The following CSE1L variants were observed in gnomAD, a reference collection of about 807,000 sequenced individuals.
CSE1L encodes the protein chromosome segregation 1 like, also known as exportin-2.
Under a neutral mutation model 120.4 loss-of-function variants are expected in CSE1L, and 24 were observed. The ratio of observed to expected loss-of-function variants is 0.20; its 90% confidence interval spans 0.14 to 0.28. The LOEUF (loss-of-function observed/expected upper bound fraction) is 0.28, where lower values mean the gene tolerates loss of function less well. Among genes scored for constraint, CSE1L ranks in the 10% least tolerant of loss-of-function variants. The pLI is 1.00. For synonymous variants in CSE1L, 402 were observed against 398.3 expected (o/e 1.01, Z -0.11); for missense variants, 830 against 1,145.2 (o/e 0.72, Z 3.97).
rs568873590 is a variant in CSE1L, at chr20:49,082,003, G to A, written c.1483-2023G>A. Among the ~76,000 whole-genome samples the A allele has an allele frequency of 1.6e-4, 24 of 152,122 alleles. No individual in the cohort carries two copies. The South Asian group carries it at 3.5e-3, about 22-fold the overall frequency. On this transcript the variant is annotated intron_variant, in intron 14 of 24. Transcript: ENST00000262982. The stretch of plus-strand genomic sequence containing the variant: ...TATAGGTAATTACTGTAGTGAATTC[G>A]GTGTATTTGACACCCATGGAAGTGC...
intron 2 of CSE1L, among the ~76,000 whole-genome samples, chr20:49,058,773 A>T (rs1021492677): frequency 6.6e-6 from 1 of 152,166 alleles, no homozygotes; most frequent in African/African-American, 2.4e-5. Context: ...TAGTTTTCGG[A>T]TAAAAAGTAC....
intron 16 of CSE1L, 115 bp downstream of exon 16, chr20:49,085,501 G>T: frequency 2.4e-6 from 1 of 421,600 alleles, no homozygotes. Context: ...TGTTTACCAA[G>T]TAGTAAGTTA....
rs1392234640 is a variant in CSE1L at position 49,084,116 on chromosome 20, G to A, written c.1573G>A (p.Ala525Thr). The change falls in exon 15 of 25, where the codon GCT becomes ACT. Residue 525 changes from alanine to threonine, a missense_variant. By Grantham distance (58) the Ala-to-Thr change is moderately conservative (BLOSUM62 0). Around this residue, in one of 4 missense-constraint regions of CSE1L, gnomAD observed 543 missense variants for 640.2 expected, o/e 0.85. Transcript: ENST00000262982. Reference protein sequence around the residue: ...SIVVHTYAAHALERLFTMRGP... With the variant: ...SIVVHTYAAHTLERLFTMRGP... ...TGTTGTTCATACTTACGCAGCTCAT[G>A]CTCTTGAACGGCTCTTTACTATGCG... 4 of 1,613,938 alleles carry A rather than the reference G, an allele frequency of 2.5e-6. No individual in the cohort carries two copies. Among genetic ancestry groups the A allele is most frequent in the Non-Finnish European group, 3.4e-6 (4 of 1,179,990 alleles).
intron 1 of CSE1L, among the ~76,000 whole-genome samples, chr20:49,054,531 T>A (rs2091791935): frequency 1.3e-5 from 2 of 152,212 alleles, no homozygotes; most frequent in African/African-American, 4.8e-5. Context: ...ATCTGATCTT[T>A]ATTTATTAAC....
chr20:49,088,994 C>T (rs548333410), intron 17 of CSE1L, among the ~76,000 whole-genome samples: 3 of 152,120 alleles, frequency 2.0e-5, no homozygotes, highest in Middle Eastern at 3.4e-3. Flanking sequence ...TGCGAGGGCA[C>T]GTGGGCTTAA....
chr20:49,076,149 A>G (rs953177024), intron 12 of CSE1L, among the ~76,000 whole-genome samples: 1 of 150,944 alleles, frequency 6.6e-6, no homozygotes, highest in Non-Finnish European at 1.5e-5. Context: ...CTTATTTTAT[A>G]TTTTATACAT....
intron 16 of CSE1L, among the ~76,000 whole-genome samples, chr20:49,087,357 T>TC (rs1568785433): frequency 6.8e-6 from 1 of 146,170 alleles, no homozygotes; most frequent in Admixed American, 6.8e-5. Context: ...TTTTCTTTTT[T>TC]TTTTTTTTTT....
chr20:49,086,238 C>A (rs1262968582), intron 16 of CSE1L, among the ~76,000 whole-genome samples: 12 of 152,104 alleles, frequency 7.9e-5, no homozygotes. Flanking sequence ...GAGAAACTCC[C>A]TGATCTTTTC....
chr20:49,067,188 A>G lies in CSE1L; in HGVS notation c.477-2A>G. The G allele has an allele frequency of 6.3e-7, 1 of 1,589,732 alleles. No homozygotes were observed. On this transcript the variant is annotated splice_acceptor_variant, in intron 5 of 24. Coordinates refer to ENST00000262982, the MANE Select transcript of CSE1L (RefSeq NM_001316.4). LOFTEE classifies it high-confidence loss of function. ...TTTATCTGTTTTACCTTAATTTTCT[A>G]GATACCGTCATGAATTTAAGTCAAA...
rs1338343849 is a variant in CSE1L, at chr20:49,084,029, C to G, written c.1486C>G (p.Pro496Ala). ...KYIMIFRNQV[P>A]KEHLLVSIPL... ...TGTATATTATTGTGTTTTTTAGGTG[C>G]CAAAAGAACATCTTTTAGTCTCGAT... Residue 496 changes from proline to alanine, a missense_variant, in exon 15 of 25, where the codon CCA becomes GCA. Physicochemically the swap from Pro to Ala is conservative, Grantham distance 27. Transcript: ENST00000262982. The G allele has an allele frequency of 1.9e-6, 3 of 1,612,622 alleles. No homozygotes were observed. Among genetic ancestry groups the G allele is most frequent in the South Asian group, 2.2e-5 (2 of 90,958 alleles).
intron 13 of CSE1L, 70 bp downstream of exon 13, chr20:49,077,134 A>C: frequency 1.4e-6 from 1 of 734,274 alleles, no homozygotes; most frequent in South Asian, 2.1e-5. Context: ...ACAGCTTCCT[A>C]TCCTTGTTCC....
intron 6 of CSE1L, 31 bp from the exon 7 acceptor site, chr20:49,068,684 C>A: frequency 6.8e-7 from 1 of 1,474,376 alleles, no homozygotes; most frequent in Non-Finnish European, 9.5e-7. Context: ...TTATGATGCA[C>A]TAAAACCATG....
chr20:49,067,910 C>CT (rs1312608852), intron 6 of CSE1L, among the ~76,000 whole-genome samples: 65 of 82,994 alleles, frequency 7.8e-4, no homozygotes, highest in African/African-American at 2.9e-3. Flanking sequence ...TGCTTTTTCT[C>CT]TTTTTTTTTC....
At chr20:49,090,647 A>G in intron 19 of CSE1L, 95 bp from the exon 20 acceptor site, 1 of 882,948 alleles carries the variant, frequency 1.1e-6, no homozygotes, top group South Asian at 1.4e-5. Context: ...ATAGATTATT[A>G]CAGTATGAAC....
chr20:49,087,351 CTTTTTTTT>C (rs11483071), intron 16 of CSE1L, among the ~76,000 whole-genome samples: 1 of 116,286 alleles, frequency 8.6e-6, no homozygotes, highest in Non-Finnish European at 1.7e-5. Context: ...TTTTCTTTTT[CTTTTTTTT>C]TTTTTTTTTT....
chr20:49,067,702 A>G lies in CSE1L; in HGVS notation c.567+422A>G, dbSNP rs895128790. On this transcript the variant is annotated intron_variant, in intron 6 of 24. Coordinates refer to ENST00000262982, the MANE Select transcript of CSE1L (RefSeq NM_001316.4). ...TGTTCTTGGTGTTTGTGAAAATCCT[A>G]TAAGATTTAAAGAAATATATATATA... 5.3e-5 allele frequency among the ~76,000 whole-genome samples: 8 copies of G among 151,890 alleles called. No individual in the cohort carries two copies. The East Asian group carries it at 9.6e-4, about 18-fold the overall frequency.
Position 49,092,817 on chromosome 20 carries a change from T to TAA in CSE1L, c.2447+700_2447+701dup, listed in dbSNP as rs887455274. On this transcript the variant is annotated intron_variant, in intron 22 of 24. Coordinates refer to ENST00000262982, the MANE Select transcript of CSE1L (RefSeq NM_001316.4). ...TGTACCCTAGAACTTAAAGTATAAT[T>TAA]AAAAAAAAAAACCAGAATTTTCCTT... Among the ~76,000 whole-genome samples, 15 of 145,958 alleles carry TAA rather than the reference T, an allele frequency of 1.0e-4. 1 individual carries two copies. In the East Asian group the frequency reaches 1.8e-3, roughly 17 times the overall value.
rs1027109334 is a variant in CSE1L, at chr20:49,077,196, G to A, written c.1420+132G>A. The A allele has an allele frequency of 1.7e-5, 9 of 525,050 alleles. No individual in the cohort carries two copies. The African/African-American group carries it at 2.4e-4, about 14-fold the overall frequency. 32.5% of individuals were successfully genotyped at this position (525,050 alleles called of 1,614,324 possible). A position where few individuals can be genotyped will look rare whatever the true frequency, so the allele number is the denominator to read the frequency against. On this transcript the variant is annotated intron_variant, in intron 13 of 24. Transcript: ENST00000262982. The stretch of plus-strand genomic sequence containing the variant: ...TTCTTTTGAGATGGTGTCTTACTCT[G>A]TTACCCAGGCTGGAGTGCAGTGGCA...
At chr20:49,051,997 G>A (rs973395694) in intron 1 of CSE1L, among the ~76,000 whole-genome samples, 1 of 152,186 alleles carries the variant, frequency 6.6e-6, no homozygotes, top group Non-Finnish European at 1.5e-5. Flanking sequence ...TGCCAGGCCA[G>A]AACAAATCTA....
Sources: gnomAD v4.1 joint callset for allele counts (sites outside exome capture counted in the v4.1 genomes callset) on GRCh38, gnomAD v4.1.1 for gene constraint, gnomAD v4.1.1 regional missense constraint, MANE v1.5 for transcripts, NCBI Gene and HGNC (gene_info 2026-07-23, HGNC 2026-07-21) for gene names.